Variants in MORN1 observed in about 807,000 individuals in gnomAD.
MORN1 encodes the protein MORN repeat containing 1.
MORN1 carries 67 observed loss-of-function variants against 61.9 expected under a neutral mutation model. That is an observed-to-expected ratio of 1.08 (90% CI 0.89 to 1.33). The LOEUF (loss-of-function observed/expected upper bound fraction) is 1.33. Ranked by LOEUF, MORN1 falls within the 40% of genes most tolerant of loss-of-function variation. The pLI, the probability that MORN1 is intolerant of heterozygous loss-of-function variation, is 0.00. For missense variants in MORN1, 752 were observed against 691.2 expected, an observed-to-expected ratio of 1.09 and a Z score of -0.99; for synonymous variants, 301 against 292.0, an observed-to-expected ratio of 1.03 and a Z score of -0.31.
intron 6 of MORN1, chr1:2,376,819 G>C (rs938236599): frequency 1.3e-5 from 2 of 152,158 alleles, no homozygotes; most frequent in Non-Finnish European, 2.9e-5. Flanking sequence ...TGATCCAATA[G>C]CCCGGTCTTG....
At chr1:2,374,408 G>A in intron 7 of MORN1, 53 bp downstream of exon 7, 2 of 1,495,544 alleles carry the variant, frequency 1.3e-6, no homozygotes, top group Non-Finnish European at 9.1e-7. Flanking sequence ...GGGGGCCAGG[G>A]ACACACCCCA....
intron 10 of MORN1, among the ~76,000 whole-genome samples, chr1:2,356,271 C>T (rs1000861205): frequency 6.6e-6 from 1 of 152,180 alleles, no homozygotes; most frequent in Non-Finnish European, 1.5e-5. Context: ...TCGCATCGGC[C>T]AAGGCAGGTG....
At chr1:2,339,383 A>G (rs564755650) in intron 10 of MORN1, among the ~76,000 whole-genome samples, 50 of 152,230 alleles carry the variant, frequency 3.3e-4, no homozygotes, top group African/African-American at 1.1e-3. Flanking sequence ...CACCTCTGCC[A>G]TGCACTCCCT....
intron 13 of MORN1, chr1:2,323,327 C>T (rs1250285621): frequency 1.7e-5 from 17 of 985,334 alleles, no homozygotes; most frequent in Non-Finnish European, 2.0e-5. Context: ...ACGGTGGCAT[C>T]CAGACCCCAG....
chr1:2,326,535 G>C (rs1443014730), intron 12 of MORN1: 1 of 152,408 alleles, frequency 6.6e-6, no homozygotes, highest in Non-Finnish European at 1.5e-5. Context: ...AGTGTCCACA[G>C]GGACCGCACA....
chr1:2,325,561 G>A (rs1641009502), intron 12 of MORN1, among the ~76,000 whole-genome samples: 1 of 151,676 alleles, frequency 6.6e-6, no homozygotes, highest in African/African-American at 2.4e-5. Flanking sequence ...TGCCCAGGTT[G>A]GTCTCAAACT....
chr1:2,384,809 G>A (rs1322816815), intron 6 of MORN1, among the ~76,000 whole-genome samples, 169 bp downstream of exon 6: 3 of 152,222 alleles, frequency 2.0e-5, no homozygotes, highest in African/African-American at 7.2e-5. Context: ...TTTCCCAACA[G>A]GGAACTGTGA....
At chr1:2,322,245 G>A (rs1302869076) in intron 13 of MORN1, 5 of 985,322 alleles carry the variant, frequency 5.1e-6, no homozygotes, top group Admixed American at 6.1e-5. Context: ...AAAAAGTGAG[G>A]TTGCCATAGA....
chr1:2,380,532 ATGGTTAGTGTTT>A (rs977549455), intron 6 of MORN1, among the ~76,000 whole-genome samples: 8 of 152,064 alleles, frequency 5.3e-5, no homozygotes, highest in African/African-American at 1.9e-4. Context: ...CCATGACAAA[ATGGTTAGTGTTT>A]TGGTTTTTTA....
chr1:2,344,167 G>A (rs1262305845), intron 10 of MORN1, among the ~76,000 whole-genome samples: 7 of 152,248 alleles, frequency 4.6e-5, no homozygotes. Flanking sequence ...CACGGCTGAG[G>A]AGGATGTCCA....
At chr1:2,328,361 G>A (rs1641080278) in intron 12 of MORN1, among the ~76,000 whole-genome samples, 1 of 152,228 alleles carries the variant, frequency 6.6e-6, no homozygotes, top group East Asian at 1.9e-4. Flanking sequence ...TGCAGTAAGG[G>A]CCATGCCTGG....
At chr1:2,383,059 C>T (rs938499039) in intron 6 of MORN1, among the ~76,000 whole-genome samples, 5 of 152,160 alleles carry the variant, frequency 3.3e-5, no homozygotes, top group Non-Finnish European at 5.9e-5. Flanking sequence ...CTCCCATCCC[C>T]ACCCCCAACT....
intron 8 of MORN1, among the ~76,000 whole-genome samples, chr1:2,364,978 T>G (rs969441915): frequency 2.5e-4 from 38 of 152,232 alleles, no homozygotes; most frequent in African/African-American, 8.9e-4. Context: ...GTAGTATAGT[T>G]TGAAGTCAGG....
At position 2,378,458 on chromosome 1, in the gene MORN1, G is replaced by A. The variant is rs918474704; in HGVS notation, c.538-3901C>T. The A allele has an allele frequency of 4.8e-5, 8 of 167,856 alleles. No homozygotes were observed. The East Asian group carries it at 5.2e-4, about 11-fold the overall frequency. 10.4% of individuals were successfully genotyped at this position (167,856 alleles called of 1,614,324 possible). A position where few individuals can be genotyped will look rare whatever the true frequency, so the allele number is the denominator to read the frequency against. ...GGCTATAGGCCCCGTGGAGGCCCCC[G>A]GTTGGGCATTCCCACACACGCCCAG... On this transcript the variant is annotated intron_variant, in intron 6 of 13. Coordinates refer to ENST00000378531, the MANE Select transcript of MORN1 (RefSeq NM_024848.3).
At chr1:2,335,892 C>T (rs1265494313) in intron 12 of MORN1, among the ~76,000 whole-genome samples, 1 of 150,890 alleles carries the variant, frequency 6.6e-6, no homozygotes, top group Non-Finnish European at 1.5e-5. Flanking sequence ...TTTGAGGTGG[C>T]AGCTGTTGCT....
At chr1:2,345,891 G>A (rs182704214) in intron 10 of MORN1, among the ~76,000 whole-genome samples, 24 of 151,912 alleles carry the variant, frequency 1.6e-4, no homozygotes, top group African/African-American at 5.8e-4. Context: ...CACACCCCGA[G>A]CTCACACGCC....
At chr1:2,345,562 C>T (rs150820019) in intron 10 of MORN1, among the ~76,000 whole-genome samples, 1,804 of 152,332 alleles carry the variant, frequency 0.012, 15 homozygotes, top group Middle Eastern at 0.027. Flanking sequence ...ACCTGCCCCT[C>T]GCCAGTGGAC....
intron 10 of MORN1, among the ~76,000 whole-genome samples, chr1:2,356,546 C>T (rs1033680690): frequency 6.6e-6 from 1 of 152,158 alleles, no homozygotes; most frequent in Non-Finnish European, 1.5e-5. Context: ...TCTTCAAAGG[C>T]CCCCAAACTC....
chr1:2,342,592 G>A (rs890107183), intron 10 of MORN1, among the ~76,000 whole-genome samples: 3 of 152,032 alleles, frequency 2.0e-5, no homozygotes, highest in Non-Finnish European at 4.4e-5. Context: ...GACACATGGG[G>A]GGCCTCTCGG....
Sources: gnomAD v4.1 joint callset for allele counts (sites outside exome capture counted in the v4.1 genomes callset) on GRCh38, gnomAD v4.1.1 for gene constraint, MANE v1.5 for transcripts, NCBI Gene and HGNC (gene_info 2026-07-23, HGNC 2026-07-21) for gene names.